NOP56: variants seen among roughly 807,000 people sequenced by gnomAD.
NOP56 encodes nucleolar protein 56.
Under a neutral mutation model 58.3 loss-of-function variants are expected in NOP56, and 31 were observed. The ratio of observed to expected loss-of-function variants is 0.53; its 90% CI spans 0.40 to 0.72. The LOEUF is 0.72. Ranked by LOEUF, NOP56 falls within the 30% of genes least tolerant of loss-of-function variation. The pLI is 0.00. For synonymous variants in NOP56, 313 were observed against 282.8 expected, an observed-to-expected ratio of 1.11 and a Z score of -1.07; for missense variants, 669 against 739.9, an observed-to-expected ratio of 0.90 and a Z score of 1.11.
rs2086768183 is a variant in NOP56, at chr20:2,652,913, C to A, written c.75C>A (p.Ile25=). Residue 25 remains isoleucine (I), a synonymous_variant, in exon 2 of 12, where the codon ATC becomes ATA. Coordinates refer to ENST00000329276, the MANE Select transcript of NOP56 (RefSeq NM_006392.4). Reference sequence around the variant, plus strand: ...TGGCGCTGAAGGAAGTGGAGGAGATCAGTCTGCTGCAGCCGCAGGTGGGTG... The same window carrying A: ...TGGCGCTGAAGGAAGTGGAGGAGATAAGTCTGCTGCAGCCGCAGGTGGGTG... The part of the protein sequence containing the change: ...ALLALKEVEE[I]SLLQPQVEES... The A allele has an allele frequency of 4.4e-6, 7 of 1,605,236 alleles. No homozygotes were observed. The highest frequency in any genetic ancestry group is 5.1e-6 in the Non-Finnish European group (6 of 1,175,512).
At chr20:2,654,692 T>C in intron 4 of NOP56, 57 bp from the exon 5 acceptor site, 1 of 1,607,600 alleles carries the variant, frequency 6.2e-7, no homozygotes, top group Non-Finnish European at 8.5e-7. Flanking sequence ...CTGGTGCCCG[T>C]GGGTGCGGGA....
chr20:2,656,266 T>C, intron 8 of NOP56, 135 bp from the exon 9 acceptor site: 1 of 1,606,048 alleles, frequency 6.2e-7, no homozygotes, highest in South Asian at 1.1e-5. Flanking sequence ...TGGGTTGGCA[T>C]GCATTGGGGT....
chr20:2,652,677 GCGGGGCGC>G lies in NOP56; in HGVS notation c.3+15_3+22del, dbSNP rs763093594. 3.4e-5 allele frequency: 49 copies of G among 1,453,650 alleles called. No homozygotes were observed. In the East Asian group the frequency reaches 6.0e-4, roughly 18 times the overall value. 90.0% of individuals were successfully genotyped at this position (1,453,650 alleles called of 1,614,324 possible). On this transcript the variant is annotated intron_variant, in intron 1 of 11. Transcript: ENST00000329276. ...GCTGGCGCCATGGTGAGGAGTGGTTGCGGGGCGCGGGCGACGCGACGGTGGGGGTTTCG... is the reference window on the plus strand; with the variant it reads ...GCTGGCGCCATGGTGAGGAGTGGTTGGGGCGACGCGACGGTGGGGGTTTCG...
In NOP56 at chr20:2,656,492, A is replaced by G. The variant is rs759304704; in HGVS notation, c.1102A>G (p.Ile368Val). Reference protein sequence around the residue: ...GRAAAKNKGRISRYLANKCSI... With the variant: ...GRAAAKNKGRVSRYLANKCSI... The stretch of plus-strand genomic sequence containing the variant: ...AGCAGCTGCCAAGAACAAAGGCCGC[A>G]TCTCCCGATACCTGGCAAACAAATG... The change falls in exon 9 of 12, where the codon ATC becomes GTC. Residue 368 changes from isoleucine to valine, a missense_variant. By Grantham distance (29) the Ile-to-Val change is conservative. Transcript: ENST00000329276. 1 of 1,614,070 alleles carries G rather than the reference A, an allele frequency of 6.2e-7. No homozygotes were observed. The highest frequency in any genetic ancestry group is 8.5e-7 in the Non-Finnish European group (1 of 1,180,014).
chr20:2,657,090 G>A lies in NOP56; in HGVS notation c.1291G>A (p.Ala431Thr). 6.2e-7 allele frequency: 1 copy of A among 1,614,140 alleles called. No individual in the cohort carries two copies. ...ACTTTTCTTTGACCAGGCAGAGGAA[G>A]CGGCTGCTGAGATTACTAGGAAGCT... Reference protein sequence around the residue: ...MKEAMVQAEEAAAEITRKLEK... With the variant: ...MKEAMVQAEETAAEITRKLEK... Residue 431 changes from alanine (A) to threonine (T), a missense_variant, in exon 11 of 12, where the codon GCG becomes ACG. Physicochemically the swap from Ala to Thr is moderately conservative, Grantham distance 58. Transcript: ENST00000329276.
chr20:2,658,171 T>C lies in NOP56; in HGVS notation c.1662T>C (p.Ser554=), dbSNP rs1164931083. The C allele has an allele frequency of 1.3e-5, 21 of 1,612,358 alleles. No individual in the cohort carries two copies. The highest frequency in any genetic ancestry group is 1.7e-5 in the Non-Finnish European group (20 of 1,179,150). The change falls in exon 12 of 12, where the codon AGT becomes AGC. Residue 554 remains serine (S), a synonymous_variant. Transcript: ENST00000329276. ...VNDPEEAGHR[S]GSKKKRKFSK... is the part of the protein sequence containing the mutation. ...ACCCTGAGGAGGCAGGCCACAGAAG[T>C]GGCTCCAAGAAAAAGAGGAAATTCT... is the stretch of plus-strand genomic sequence containing the variant.
intron 8 of NOP56, 156 bp from the exon 9 acceptor site, chr20:2,656,245 T>A: frequency 6.2e-7 from 1 of 1,605,346 alleles, no homozygotes; most frequent in Non-Finnish European, 8.5e-7. Context: ...TCCCTCTGCC[T>A]CTGGGAGCTA....
chr20:2,656,803 C>T lies in NOP56; in HGVS notation c.1189C>T (p.Leu397Phe), dbSNP rs752928248. ...EVPTSVFGEKLREQVEERLSF... is the reference protein window; with the variant it reads ...EVPTSVFGEKFREQVEERLSF... ...GCCCACGAGTGTATTCGGGGAGAAGCTTCGAGAACAAGTTGAAGAGCGACT... is the reference window on the plus strand; with the variant it reads ...GCCCACGAGTGTATTCGGGGAGAAGTTTCGAGAACAAGTTGAAGAGCGACT... The change falls in exon 10 of 12, where the codon CTT (leucine) becomes TTT (phenylalanine). Residue 397 changes from leucine (L) to phenylalanine (F), a missense_variant. Physicochemically the swap from Leu to Phe is conservative, Grantham distance 22. This residue lies in a region of NOP56 where 339 missense variants were observed against 430.5 expected (regional missense o/e 0.79). Coordinates refer to ENST00000329276, the MANE Select transcript of NOP56 (RefSeq NM_006392.4). 3 of 1,614,126 alleles carry T rather than the reference C, an allele frequency of 1.9e-6. No homozygotes were observed. Among genetic ancestry groups the T allele is most frequent in the East Asian group, 2.2e-5 (1 of 44,880 alleles).
intron 9 of NOP56, 40 bp from the exon 10 acceptor site, chr20:2,656,730 TTCTC>T: frequency 6.2e-7 from 1 of 1,614,052 alleles, no homozygotes; most frequent in Non-Finnish European, 8.5e-7. Flanking sequence ...TTGGGGTAGT[TTCTC>T]TCTTTGGGCT....
At chr20:2,656,370 A>G in intron 8 of NOP56, 31 bp from the exon 9 acceptor site, 1 of 1,613,570 alleles carries the variant, frequency 6.2e-7, no homozygotes, top group Admixed American at 1.7e-5. Flanking sequence ...GAAATTTCTG[A>G]TCTTAAACTC....
chr20:2,653,103 A>G lies in NOP56; in HGVS notation c.93+172A>G, dbSNP rs2086771816. 3 of 773,096 alleles carry G rather than the reference A, an allele frequency of 3.9e-6. No individual in the cohort carries two copies. In the South Asian group the frequency reaches 5.2e-5, roughly 13 times the overall value. 47.9% of individuals were successfully genotyped at this position (773,096 alleles called of 1,614,324 possible). ...CTTGACCCATGGGTAGAATCGCTCTAGCAATTAGAAATAAGCCTCCCGGAC... is the reference window on the plus strand; with the variant it reads ...CTTGACCCATGGGTAGAATCGCTCTGGCAATTAGAAATAAGCCTCCCGGAC... On this transcript the variant is annotated intron_variant, in intron 2 of 11. Coordinates refer to ENST00000329276, the MANE Select transcript of NOP56 (RefSeq NM_006392.4).
chr20:2,657,291 G>A, intron 11 of NOP56, 73 bp downstream of exon 11: 1 of 1,602,250 alleles, frequency 6.2e-7, no homozygotes, highest in Non-Finnish European at 8.6e-7. Flanking sequence ...AGGATATGCT[G>A]CATCAAGCTG....
chr20:2,657,277 A>G, intron 11 of NOP56, 59 bp downstream of exon 11: 1 of 1,609,210 alleles, frequency 6.2e-7, no homozygotes, highest in South Asian at 1.1e-5. Context: ...CAACAGCAGA[A>G]CAAAGGATAT....
At chr20:2,657,704 T>C (rs1013725503) in intron 11 of NOP56, 14 of 572,274 alleles carry the variant, frequency 2.4e-5, no homozygotes, top group Non-Finnish European at 3.9e-5. Context: ...TGGGTGTTTT[T>C]TAGGTTTTTT....
intron 11 of NOP56, 198 bp downstream of exon 11, chr20:2,657,416 G>GT: frequency 1.2e-6 from 1 of 828,106 alleles, no homozygotes; most frequent in South Asian, 1.4e-5. Flanking sequence ...CAGAGAGCTG[G>GT]TTGTAGCTCA....
chr20:2,654,699 G>A lies in NOP56; in HGVS notation c.371-50G>A, dbSNP rs369515310. ...AGGCTGGGCTGGTGCCCGTGGGTGCGGGAGCTAGCTCAGAGCCCCTTGTTG... is the reference window on the plus strand; with the variant it reads ...AGGCTGGGCTGGTGCCCGTGGGTGCAGGAGCTAGCTCAGAGCCCCTTGTTG... On this transcript the variant is annotated intron_variant, in intron 4 of 11. Transcript: ENST00000329276. 509 of 1,609,540 alleles carry A rather than the reference G, an allele frequency of 3.2e-4. 1 individual carries two copies. Among genetic ancestry groups the A allele is most frequent in the South Asian group, 1.0e-3 (91 of 90,994 alleles).
intron 8 of NOP56, 122 bp from the exon 9 acceptor site, chr20:2,656,279 A>C (rs2086816174): frequency 6.2e-7 from 1 of 1,605,348 alleles, no homozygotes; most frequent in South Asian, 1.1e-5. Flanking sequence ...ATTGGGGTAG[A>C]GATCCAATCT....
At chr20:2,652,958 G>A in intron 2 of NOP56, 27 bp downstream of exon 2, 1 of 1,560,014 alleles carries the variant, frequency 6.4e-7, no homozygotes, top group African/African-American at 1.4e-5. Flanking sequence ...GGCTCCTTTG[G>A]CGGCCCCGCA....
rs762859722 is a variant in NOP56 at position 2,658,187 on chromosome 20, A to G, written c.1678A>G (p.Arg560Gly). ...CCACAGAAGTGGCTCCAAGAAAAAG[A>G]GGAAATTCTCCAAAGAGGAGCCGGT... ...AGHRSGSKKK[R>G]KFSKEEPVSS... Residue 560 changes from arginine to glycine, a missense_variant, in exon 12 of 12, where the codon AGG becomes GGG. Transcript: ENST00000329276. The G allele has an allele frequency of 1.2e-6, 2 of 1,610,466 alleles. No homozygotes were observed. The highest frequency in any genetic ancestry group is 1.3e-5 in the African/African-American group (1 of 74,874).
Sources: gnomAD v4.1 joint callset for allele counts on GRCh38, gnomAD v4.1.1 for gene constraint, gnomAD v4.1.1 regional missense constraint, MANE v1.5 for transcripts, NCBI Gene and HGNC (gene_info 2026-07-23, HGNC 2026-07-21) for gene names.